PCNT: variants seen among roughly 807,000 people sequenced by gnomAD.
The protein encoded by PCNT is pericentrin.
A neutral mutation model predicts 380.4 loss-of-function variants in PCNT; 319 were observed. The observed-to-expected ratio is 0.84, with a 90% CI of 0.77 to 0.92. PCNT has a LOEUF of 0.92. PCNT is among the 40% of genes least tolerant of loss of function. The pLI is 0.00. For synonymous variants in PCNT, 1,845 were observed against 1,735.2 expected (o/e 1.06, Z -1.57); for missense variants, 4,400 against 4,255.3 (o/e 1.03, Z -0.95).
At chr21:46,363,392 C>T in intron 13 of PCNT, 88 bp from the exon 14 acceptor site, 1 of 960,448 alleles carries the variant, frequency 1.0e-6, no homozygotes, top group Non-Finnish European at 1.7e-6. Flanking sequence ...TGAAAATTCC[C>T]TGTCTTCAGA....
chr21:46,399,273 G>A lies in PCNT; in HGVS notation c.4585-317G>A, dbSNP rs142829971. On this transcript the variant is annotated intron_variant, in intron 24 of 46. Coordinates refer to ENST00000359568, the MANE Select transcript of PCNT (RefSeq NM_006031.6). Reference sequence around the variant, plus strand: ...GTCTCCCTGTGCAGCCTGTGGGTCTGGGTCTCTGTTCAGCCTGTGAGTCTG... The same window carrying A: ...GTCTCCCTGTGCAGCCTGTGGGTCTAGGTCTCTGTTCAGCCTGTGAGTCTG... 9.8e-3 allele frequency among the ~76,000 whole-genome samples: 589 copies of A among 59,834 alleles called. 11 individuals are homozygous for A. Among genetic ancestry groups the A allele is most frequent in the Middle Eastern group, 0.024 (2 of 84 alleles). 39.3% of individuals were successfully genotyped at this position (59,834 alleles called of 152,430 possible). A position where few individuals can be genotyped will look rare whatever the true frequency, so the allele number is the denominator to read the frequency against.
Position 46,442,582 on chromosome 21 carries a change from C to T in PCNT, c.9700+9C>T, listed in dbSNP as rs2053637148. 1.3e-6 allele frequency: 2 copies of T among 1,564,610 alleles called. No individual in the cohort carries two copies. Among genetic ancestry groups the T allele is most frequent in the South Asian group, 2.2e-5 (2 of 90,134 alleles). On this transcript the variant is annotated intron_variant, in intron 44 of 46. Coordinates refer to ENST00000359568, the MANE Select transcript of PCNT (RefSeq NM_006031.6). ...CAAAGCCCCTCGCCCAGGTGGGACT[C>T]CAGCTGCTGTTGACCGCTGGACTCA...
intron 37 of PCNT, 119 bp from the exon 38 acceptor site, chr21:46,431,410 G>T: frequency 6.4e-7 from 1 of 1,569,776 alleles, no homozygotes; most frequent in Non-Finnish European, 8.6e-7. Context: ...GGCTAATAGG[G>T]TGCATTTCAA....
rs1441820808 is a variant in PCNT, at chr21:46,363,926, C to T, written c.2601C>T (p.Ala867=). The change falls in exon 14 of 47, where the codon GCC becomes GCT. Residue 867 remains alanine (A), a synonymous_variant. Coordinates refer to ENST00000359568, the MANE Select transcript of PCNT (RefSeq NM_006031.6). ...KEDCALQLML[A]RSRFLEERKE... is the part of the protein sequence containing the mutation. The stretch of plus-strand genomic sequence containing the variant: ...ACTGCGCCCTGCAGCTGATGCTGGC[C>T]CGGAGCAGGTGGGTTTGCAGTGACG... The T allele has an allele frequency of 6.2e-7, 1 of 1,607,038 alleles. No homozygotes were observed.
intron 17 of PCNT, among the ~76,000 whole-genome samples, chr21:46,387,871 G>A (rs9306152): frequency 2.6e-5 from 4 of 151,814 alleles, no homozygotes; most frequent in African/African-American, 7.3e-5. Flanking sequence ...TGCAGGGAGC[G>A]AGATGTGGAG....
intron 27 of PCNT, among the ~76,000 whole-genome samples, chr21:46,409,577 G>C (rs1386348557): frequency 6.6e-6 from 1 of 152,144 alleles, no homozygotes; most frequent in Non-Finnish European, 1.5e-5. Context: ...AGGTCTCCTT[G>C]AATATGCTTG....
chr21:46,394,449 T>C (rs562988813), intron 21 of PCNT: 2 of 882,900 alleles, frequency 2.3e-6, no homozygotes, highest in Admixed American at 1.2e-4. Context: ...AGCTCTCACA[T>C]TCTCAGCTGC....
chr21:46,413,299 GA>G lies in PCNT; in HGVS notation c.6150+309del, dbSNP rs66773818. On this transcript the variant is annotated intron_variant, in intron 29 of 46. Coordinates refer to ENST00000359568, the MANE Select transcript of PCNT (RefSeq NM_006031.6). ...TGGACACGCGGCAGCAAGGTGTGGG[GA>G]ACGGGGAAGGCACGAGGCCCACCCG... is the stretch of plus-strand genomic sequence containing the variant. Among the ~76,000 whole-genome samples, 185 of 106,708 alleles carry G rather than the reference GA, an allele frequency of 1.7e-3. 20 individuals are homozygous for G. The highest frequency in any genetic ancestry group is 2.7e-3 in the Non-Finnish European group (139 of 52,398). 70.0% of individuals were successfully genotyped at this position (106,708 alleles called of 152,430 possible).
At chr21:46,327,112 G>C (rs1162434581) in intron 2 of PCNT, among the ~76,000 whole-genome samples, 1 of 151,502 alleles carries the variant, frequency 6.6e-6, no homozygotes, top group Admixed American at 6.6e-5. Flanking sequence ...CCAGGCTGGA[G>C]TGCAGTGGCG....
intron 12 of PCNT, 122 bp from the exon 13 acceptor site, chr21:46,356,852 T>C: frequency 1.2e-6 from 1 of 822,866 alleles, no homozygotes; most frequent in Non-Finnish European, 2.0e-6. Context: ...GCACAGAGCT[T>C]GAAAATCCAC....
At position 46,353,323 on chromosome 21, in the gene PCNT, T is replaced by C. The variant is rs747644836; in HGVS notation, c.1676T>C (p.Val559Ala). Reference sequence around the variant, plus strand: ...GATGCTCTTCTGGACTCTGTGGAAGTTGGGTAAGCAAAGCAGTTCCAGCCT... The same window carrying C: ...GATGCTCTTCTGGACTCTGTGGAAGCTGGGTAAGCAAAGCAGTTCCAGCCT... ...REDALLDSVE[V>A]GLSCVGLEEK... The change falls in exon 10 of 47, where the codon GTT (valine) becomes GCT (alanine). Residue 559 changes from valine to alanine, a missense_variant. Physicochemically the swap from Val to Ala is moderately conservative, Grantham distance 64. Coordinates refer to ENST00000359568, the MANE Select transcript of PCNT (RefSeq NM_006031.6). 3 of 1,613,588 alleles carry C rather than the reference T, an allele frequency of 1.9e-6. No homozygotes were observed. Among genetic ancestry groups the C allele is most frequent in the East Asian group, 4.5e-5 (2 of 44,888 alleles).
chr21:46,353,747 TGTGTGA>T lies in PCNT; in HGVS notation c.1680-238_1680-233del, dbSNP rs745640943. On this transcript the variant is annotated intron_variant, in intron 10 of 46. Transcript: ENST00000359568. ...GTGTGTGTGTGTGTGTGTGTGTGTG[TGTGTGA>T]GAGAGACAGAGAGAGAGTCAGTGGC... is the stretch of plus-strand genomic sequence containing the variant. 0.11 allele frequency among the ~76,000 whole-genome samples: 14,093 copies of T among 130,778 alleles called. 725 individuals are homozygous for T. Among genetic ancestry groups the T allele is most frequent in the Non-Finnish European group, 0.14 (8,279 of 57,198 alleles). 85.8% of individuals were successfully genotyped at this position (130,778 alleles called of 152,430 possible).
At chr21:46,381,405 C>CATGT (rs1403690067) in intron 15 of PCNT, among the ~76,000 whole-genome samples, 1 of 152,124 alleles carries the variant, frequency 6.6e-6, no homozygotes, top group Non-Finnish European at 1.5e-5. Context: ...AAAGATGTTA[C>CATGT]AGGAGCCATT....
chr21:46,348,915 G>C, intron 6 of PCNT, 97 bp from the exon 7 acceptor site: 1 of 838,324 alleles, frequency 1.2e-6, no homozygotes, highest in Non-Finnish European at 2.0e-6. Context: ...CATGAGCCAC[G>C]TTGCCTGGCC....
Position 46,425,674 on chromosome 21 carries a change from G to A in PCNT, c.7180-157G>A, listed in dbSNP as rs2087462886. ...GCTTGAAAACCTTGTAGCTTGAGAA[G>A]TGGGTGCCGCCTGTACGAAGCCGAG... On this transcript the variant is annotated intron_variant, in intron 32 of 46. Transcript: ENST00000359568. The surrounding 1 kb of genome is among the most constrained non-coding windows in gnomAD (Gnocchi z 4.2). 6.6e-6 allele frequency among the ~76,000 whole-genome samples: 1 copy of A among 152,250 alleles called. No homozygotes were observed. Among genetic ancestry groups the A allele is most frequent in the Non-Finnish European group, 1.5e-5 (1 of 68,048 alleles).
intron 38 of PCNT, among the ~76,000 whole-genome samples, chr21:46,433,920 TG>T (rs1281728015): frequency 6.6e-6 from 1 of 152,126 alleles, no homozygotes; most frequent in African/African-American, 2.4e-5. Flanking sequence ...TACAGGTGCA[TG>T]TCACCACGCC....
At position 46,428,557 on chromosome 21, in the gene PCNT, G is replaced by C. The variant is rs772478708; in HGVS notation, c.7657G>C (p.Gly2553Arg). ...RTALTSAEAR[G>R]SQQEHQLRRQ... ...GGCGCTGACAAGCGCAGAGGCGCGCGGGAGCCAGCAGGAGCACCAGCTGCG... is the reference window on the plus strand; with the variant it reads ...GGCGCTGACAAGCGCAGAGGCGCGCCGGAGCCAGCAGGAGCACCAGCTGCG... The change falls in exon 35 of 47, where the codon GGG becomes CGG. Residue 2553 changes from glycine to arginine, a missense_variant. Gly to Arg is a moderately radical substitution (Grantham distance 125). Coordinates refer to ENST00000359568, the MANE Select transcript of PCNT (RefSeq NM_006031.6). 5.5e-5 allele frequency: 89 copies of C among 1,605,716 alleles called. 1 individual carries two copies. The South Asian group carries it at 8.9e-4, about 16-fold the overall frequency.
intron 14 of PCNT, among the ~76,000 whole-genome samples, chr21:46,364,908 C>T (rs1171973229): frequency 6.6e-6 from 1 of 152,264 alleles, no homozygotes. Flanking sequence ...TCAAGAGAGG[C>T]TTCCAGGCGC....
rs1172162514 is a variant in PCNT at position 46,425,172 on chromosome 21, G to A, written c.7180-659G>A. The stretch of plus-strand genomic sequence containing the variant: ...TGGTCGTGACACCAGCTTCTCCATA[G>A]GGCCGTCTGCTTACCCCTCAGCCTC... On this transcript the variant is annotated intron_variant, in intron 32 of 46. Coordinates refer to ENST00000359568, the MANE Select transcript of PCNT (RefSeq NM_006031.6). The surrounding 1 kb of genome is among the most constrained non-coding windows in gnomAD (Gnocchi z 4.2). Among the ~76,000 whole-genome samples, 1 of 152,144 alleles carries A rather than the reference G, an allele frequency of 6.6e-6. No individual in the cohort carries two copies. The highest frequency in any genetic ancestry group is 2.4e-5 in the African/African-American group (1 of 41,418).
Sources: gnomAD v4.1 joint callset for allele counts (sites outside exome capture counted in the v4.1 genomes callset) on GRCh38, gnomAD v4.1.1 for gene constraint, Gnocchi (gnomAD v3.1) non-coding constraint, MANE v1.5 for transcripts, NCBI Gene and HGNC (gene_info 2026-07-23, HGNC 2026-07-21) for gene names.